The following MMP28 variants were observed in gnomAD, a reference collection of about 807,000 sequenced individuals.
MMP28 encodes matrix metalloproteinase-28.
A neutral mutation model predicts 60.5 loss-of-function variants in MMP28; 55 were observed. That is an observed-to-expected ratio of 0.91 (90% CI 0.73 to 1.14). MMP28 has a LOEUF of 1.14. Among genes scored for constraint, MMP28 ranks in the 50% most tolerant of loss-of-function variants. MMP28 has a pLI of 0.00. For missense variants in MMP28, 686 were observed against 738.3 expected, an observed-to-expected ratio of 0.93 and a Z score of 0.82; for synonymous variants, 318 against 312.5, an observed-to-expected ratio of 1.02 and a Z score of -0.18.
At chr17:35,758,010 CTG>C (rs2085759681) in intron 2 of MMP28, 1 of 152,218 alleles carries the variant, frequency 6.6e-6, no homozygotes, top group East Asian at 1.9e-4. Context: ...TATTGCATTT[CTG>C]TGTCATACCT....
intron 4 of MMP28, among the ~76,000 whole-genome samples, chr17:35,771,754 T>TA (rs61445406): frequency 1.0e-5 from 1 of 98,252 alleles, no homozygotes; most frequent in Non-Finnish European, 2.0e-5. Context: ...TATATATATA[T>TA]AAAATTGTGT....
In MMP28 at chr17:35,767,903, C is replaced by T. The variant is rs1555604118; in HGVS notation, c.1017G>A (p.Leu339=). 2 of 1,592,560 alleles carry T rather than the reference C, an allele frequency of 1.3e-6. No homozygotes were observed. The highest frequency in any genetic ancestry group is 2.7e-5 in the African/African-American group (2 of 74,406). ...AGAAATGGCTCCCTTTAAAAATGTA[C>T]AGTTGCTGTTGCCTGTCTGCCCAGA... The part of the protein sequence containing the change: ...DAITVDRQQQ[L]YIFKGSHFWE... Residue 339 remains leucine (L), a synonymous_variant, in exon 7 of 8, where the codon CTG becomes CTA. Coordinates refer to ENST00000605424, the MANE Select transcript of MMP28 (RefSeq NM_024302.5).
chr17:35,793,148 T>C (rs892514854), intron 1 of MMP28, among the ~76,000 whole-genome samples: 2 of 152,206 alleles, frequency 1.3e-5, no homozygotes, highest in African/African-American at 4.8e-5. Flanking sequence ...TTTTTATGCT[T>C]TTAAAATATT....
At position 35,779,042 on chromosome 17, in the gene MMP28, G is replaced by C. The variant is rs765062835; in HGVS notation, c.225C>G (p.Ser75Arg). The change falls in exon 3 of 8, where the codon AGC becomes AGG. Residue 75 changes from serine to arginine, a missense_variant. Coordinates refer to ENST00000605424, the MANE Select transcript of MMP28 (RefSeq NM_024302.5). ...AFQWVSQLPV[S>R]GVLDRATLRQ... The stretch of plus-strand genomic sequence containing the variant: ...GCAGGGTGGCGCGGTCCAACACGCC[G>C]CTGACAGGTAGCTGGGACACCCACT... The C allele has an allele frequency of 6.2e-7, 1 of 1,614,006 alleles. No homozygotes were observed. Among genetic ancestry groups the C allele is most frequent in the Non-Finnish European group, 8.5e-7 (1 of 1,179,892 alleles).
chr17:35,787,830 G>A (rs1363076178), intron 1 of MMP28, among the ~76,000 whole-genome samples: 1 of 149,168 alleles, frequency 6.7e-6, no homozygotes, highest in African/African-American at 2.5e-5. Context: ...CTGTCTAGGT[G>A]TAACCTAGAT....
At chr17:35,773,467 AC>A (rs2086232342) in intron 3 of MMP28, 63 bp from the exon 4 acceptor site, 1 of 1,427,572 alleles carries the variant, frequency 7.0e-7, no homozygotes, top group Non-Finnish European at 9.5e-7. Context: ...GTCCCCACAG[AC>A]CCAGTAGGAT....
chr17:35,767,992 T>C, intron 6 of MMP28, 73 bp from the exon 7 acceptor site: 1 of 1,495,736 alleles, frequency 6.7e-7, no homozygotes, highest in African/African-American at 1.4e-5. Context: ...GATGCTGTCC[T>C]GGAAGCCAGT....
At chr17:35,763,225 G>C (rs1460444986), downstream of MMP28, among the ~76,000 whole-genome samples, 1 of 152,058 alleles carries the variant, frequency 6.6e-6, no homozygotes, top group Non-Finnish European at 1.5e-5. Context: ...CTTGAAGCCA[G>C]GAGTTCAGAG....
chr17:35,790,147 A>G (rs2086772807), intron 1 of MMP28, among the ~76,000 whole-genome samples: 1 of 144,332 alleles, frequency 6.9e-6, no homozygotes, highest in Admixed American at 7.1e-5. Context: ...GCTCACTGCA[A>G]CCTCCGCCTC....
At chr17:35,780,470 T>C (rs2086465430) in intron 1 of MMP28, among the ~76,000 whole-genome samples, 1 of 152,222 alleles carries the variant, frequency 6.6e-6, no homozygotes, top group Non-Finnish European at 1.5e-5. Flanking sequence ...TTTTTTGAAT[T>C]AGAAAGCTTC....
chr17:35,758,937 G>C (rs2085770769), intron 2 of MMP28, among the ~76,000 whole-genome samples: 1 of 152,122 alleles, frequency 6.6e-6, no homozygotes, highest in South Asian at 2.1e-4. Context: ...GTCTTGGTGG[G>C]ATGGTCTTTG....
At chr17:35,780,655 C>G (rs958322458) in intron 1 of MMP28, among the ~76,000 whole-genome samples, 1 of 151,648 alleles carries the variant, frequency 6.6e-6, no homozygotes, top group Non-Finnish European at 1.5e-5. Context: ...GCCAACATGG[C>G]GAAACCTCAT....
chr17:35,764,131 C>G (rs1214867492), downstream of MMP28: 1 of 1,549,522 alleles, frequency 6.5e-7, no homozygotes, highest in African/African-American at 1.4e-5. Context: ...TGGAGGACAG[C>G]GCGACGGAGG....
chr17:35,777,985 G>A (rs945900314), intron 3 of MMP28, among the ~76,000 whole-genome samples: 4 of 152,192 alleles, frequency 2.6e-5, no homozygotes, highest in African/African-American at 4.8e-5. Flanking sequence ...CTGAGATTGC[G>A]CCACTGACTC....
At chr17:35,761,208 A>G (rs782732069), downstream of MMP28, among the ~76,000 whole-genome samples, 1 of 147,660 alleles carries the variant, frequency 6.8e-6, no homozygotes, top group Non-Finnish European at 1.5e-5. Flanking sequence ...GGTTCAAGTG[A>G]TTCTCGTTCC....
intron 1 of MMP28, among the ~76,000 whole-genome samples, chr17:35,786,119 C>T (rs766086482): frequency 6.6e-6 from 1 of 151,162 alleles, no homozygotes; most frequent in South Asian, 2.1e-4. Context: ...TGCAATGGCA[C>T]GATCTCAGCT....
chr17:35,791,470 T>G (rs1249492097), intron 1 of MMP28, among the ~76,000 whole-genome samples: 1 of 152,030 alleles, frequency 6.6e-6, no homozygotes, highest in Non-Finnish European at 1.5e-5. Context: ...CCCAGGAGAT[T>G]GAGGCCGCAG....
rs2086073500 is a variant in MMP28, at chr17:35,770,075, C to T, written c.842G>A (p.Ser281Asn). The change falls in exon 5 of 8, where the codon AGC (serine) becomes AAC (asparagine). Residue 281 changes from serine to asparagine, a missense_variant. Physicochemically the swap from Ser to Asn is conservative, Grantham distance 46. Coordinates refer to ENST00000605424, the MANE Select transcript of MMP28 (RefSeq NM_024302.5). ...ATGTCCCGGGGCCTCACCATACAGG[C>T]TCTGCACGGCCAGCACGTCGTCCCA... The part of the protein sequence containing the change: ...LSWDDVLAVQ[S>N]LYGKPLGGSV... 1 of 1,580,364 alleles carries T rather than the reference C, an allele frequency of 6.3e-7. No individual in the cohort carries two copies.
chr17:35,779,424 G>T, intron 1 of MMP28, 101 bp from the exon 2 acceptor site: 1 of 967,862 alleles, frequency 1.0e-6, no homozygotes. Flanking sequence ...CTCACCTCTT[G>T]TCTTTTGCCC....
Sources: gnomAD v4.1 joint callset for allele counts (sites outside exome capture counted in the v4.1 genomes callset) on GRCh38, gnomAD v4.1.1 for gene constraint, MANE v1.5 for transcripts, NCBI Gene and HGNC (gene_info 2026-07-23, HGNC 2026-07-21) for gene names.